Variants in PCSK5 observed in about 807,000 individuals in gnomAD.
The protein encoded by PCSK5 is proprotein convertase subtilisin/kexin type 5.
Under a neutral mutation model 233.2 loss-of-function variants are expected in PCSK5, and 129 were observed. That is an observed-to-expected ratio of 0.55 (90% CI 0.48 to 0.64). PCSK5 has a LOEUF of 0.64. Among genes scored for constraint, PCSK5 ranks in the 30% least tolerant of loss-of-function variants. PCSK5 has a pLI of 0.00. For missense variants in PCSK5, 2,076 were observed against 2,430.1 expected (o/e 0.85, Z 3.06); for synonymous variants, 825 against 879.2 (o/e 0.94, Z 1.09).
chr9:76,266,656 G>C (rs1827342201), intron 24 of PCSK5, among the ~76,000 whole-genome samples: 1 of 152,158 alleles, frequency 6.6e-6, no homozygotes, highest in Non-Finnish European at 1.5e-5. Flanking sequence ...ATGGATCAAT[G>C]CTTTGGCAAA....
rs778338551 is a variant in PCSK5, at chr9:76,338,432, TG to T, written c.4952del (p.Cys1651LeufsTer10). The T allele has an allele frequency of 6.8e-6, 11 of 1,609,986 alleles. No individual in the cohort carries two copies. The East Asian group carries it at 2.2e-4, about 33-fold the overall frequency. On this transcript the variant is annotated frameshift_variant, in exon 35 of 38. Transcript: ENST00000674117. LOFTEE classifies it high-confidence loss of function. ...GACCTGTGAGAGATGCCATCCGACT[TG>T]TGATCAATGCAAAGGTGAGAGTCTA... Reference protein sequence around the residue: ...TQTCERCHPTCDQCKGKGALN... With the variant: ...TQTCERCHPTXDQCKGKGALN...
chr9:76,152,686 A>G (rs1343436633), intron 10 of PCSK5, among the ~76,000 whole-genome samples: 1 of 152,194 alleles, frequency 6.6e-6, no homozygotes, highest in African/African-American at 2.4e-5. Context: ...TCCAGTAAGG[A>G]CAGTCCACTA....
intron 16 of PCSK5, among the ~76,000 whole-genome samples, chr9:76,181,951 C>T (rs1019979390): frequency 6.6e-6 from 1 of 152,180 alleles, no homozygotes; most frequent in African/African-American, 2.4e-5. Context: ...CCCCGTGCAA[C>T]AATGCGTGAC....
chr9:75,899,854 G>A lies in PCSK5; in HGVS notation c.192+8481G>A, dbSNP rs754793937. Among the ~76,000 whole-genome samples, 32 of 152,166 alleles carry A rather than the reference G, an allele frequency of 2.1e-4. 1 individual carries two copies. The highest frequency in any genetic ancestry group is 1.9e-3 in the Admixed American group (29 of 15,268). The stretch of plus-strand genomic sequence containing the variant: ...CTCCACTTAGGGAGCGAGGGAGAAC[G>A]GGAGTAGATGAAGGGGCCAGGAAGA... On this transcript the variant is annotated intron_variant, in intron 1 of 37. Coordinates refer to ENST00000674117, the MANE Select transcript of PCSK5 (RefSeq NM_001372043.1).
At chr9:76,113,412 G>A (rs139666684) in intron 9 of PCSK5, among the ~76,000 whole-genome samples, 11 of 152,218 alleles carry the variant, frequency 7.2e-5, no homozygotes, top group South Asian at 2.1e-4. Flanking sequence ...TAAAAAGTCC[G>A]TCTATATAAA....
chr9:76,126,181 ATGTGTGTGTG>A (rs71499131), intron 9 of PCSK5, among the ~76,000 whole-genome samples: 10,586 of 150,540 alleles, frequency 0.07, 513 homozygotes, highest in East Asian at 0.24. Context: ...GTGTGTGTGT[ATGTGTGTGTG>A]TGTGTGTGTG....
intron 2 of PCSK5, among the ~76,000 whole-genome samples, chr9:75,985,851 A>G (rs1407823974): frequency 6.6e-6 from 1 of 152,232 alleles, no homozygotes; most frequent in Non-Finnish European, 1.5e-5. Flanking sequence ...ATAAATTGGA[A>G]GTAAAATAGG....
intron 24 of PCSK5, among the ~76,000 whole-genome samples, chr9:76,270,848 G>A (rs1319773430): frequency 6.6e-6 from 1 of 152,122 alleles, no homozygotes; most frequent in African/African-American, 2.4e-5. Flanking sequence ...AGGGGAGTAG[G>A]GAAATCACTT....
chr9:76,273,839 G>C (rs1827608852), intron 24 of PCSK5, among the ~76,000 whole-genome samples: 1 of 149,888 alleles, frequency 6.7e-6, no homozygotes, highest in Non-Finnish European at 1.5e-5. Flanking sequence ...GTAGAGACAG[G>C]GTCTTGCTAT....
At chr9:76,064,475 C>T (rs2131588730) in intron 5 of PCSK5, among the ~76,000 whole-genome samples, 1 of 147,548 alleles carries the variant, frequency 6.8e-6, no homozygotes, top group East Asian at 2.1e-4. Context: ...CCCCACCTCC[C>T]TCCCGGATGG....
chr9:76,091,115 C>G (rs986171644), intron 7 of PCSK5, among the ~76,000 whole-genome samples: 1 of 152,132 alleles, frequency 6.6e-6, no homozygotes, highest in Non-Finnish European at 1.5e-5. Flanking sequence ...GCTGTGTGGC[C>G]GGATTCCTAA....
At chr9:76,291,445 G>T (rs1227542676) in intron 24 of PCSK5, among the ~76,000 whole-genome samples, 1 of 152,212 alleles carries the variant, frequency 6.6e-6, no homozygotes, top group Non-Finnish European at 1.5e-5. Context: ...AAGACTGGAA[G>T]GTAGGTTAGA....
chr9:76,053,051 C>A (rs974475433), intron 5 of PCSK5, among the ~76,000 whole-genome samples: 5 of 152,234 alleles, frequency 3.3e-5, no homozygotes, highest in African/African-American at 4.8e-5. Flanking sequence ...CAGTTCCGCC[C>A]CTGTGGCTTT....
chr9:75,950,425 G>T (rs1312755713), intron 2 of PCSK5, among the ~76,000 whole-genome samples: 4 of 152,074 alleles, frequency 2.6e-5, no homozygotes, highest in African/African-American at 9.7e-5. Flanking sequence ...TGTTTTGGAT[G>T]CTATTTGAAA....
At chr9:76,292,350 C>T (rs567323681) in intron 25 of PCSK5, 75 bp downstream of exon 25, 155 of 945,436 alleles carry the variant, frequency 1.6e-4, no homozygotes, top group South Asian at 1.0e-3. Context: ...CTCAATCCAG[C>T]GATTAAAGCA....
At chr9:75,962,464 G>A (rs1035539791) in intron 2 of PCSK5, among the ~76,000 whole-genome samples, 2 of 152,160 alleles carry the variant, frequency 1.3e-5, no homozygotes, top group Non-Finnish European at 2.9e-5. Flanking sequence ...GGATGTTGAG[G>A]GCTAGGAATG....
chr9:76,013,480 G>C (rs2131459059), intron 3 of PCSK5, among the ~76,000 whole-genome samples: 1 of 152,244 alleles, frequency 6.6e-6, no homozygotes, highest in Middle Eastern at 3.4e-3. Context: ...GGCTTTTACT[G>C]TTCAGAAGTT....
chr9:75,912,546 C>T (rs192912967), intron 1 of PCSK5, among the ~76,000 whole-genome samples: 12 of 152,236 alleles, frequency 7.9e-5, no homozygotes, highest in East Asian at 1.9e-4. Flanking sequence ...CAGTTGTTAC[C>T]GCTGCTACTG....
chr9:76,053,727 G>A (rs546244197), intron 5 of PCSK5, among the ~76,000 whole-genome samples: 1 of 152,230 alleles, frequency 6.6e-6, no homozygotes, highest in African/African-American at 2.4e-5. Context: ...TTTAGTCAAA[G>A]CCATTCAACA....
Sources: allele counts gnomAD v4.1 joint callset (sites outside exome capture counted in the v4.1 genomes callset), GRCh38; gene constraint gnomAD v4.1.1; transcripts MANE v1.5; gene names NCBI Gene and HGNC (gene_info 2026-07-23, HGNC 2026-07-21).